The following CCDC178 variants were observed in gnomAD, a reference collection of about 807,000 sequenced individuals.
CCDC178 encodes the protein coiled-coil domain-containing protein 178.
CCDC178 carries 126 observed loss-of-function variants against 117.4 expected under a neutral mutation model. The ratio of observed to expected loss-of-function variants is 1.07; its 90% CI spans 0.93 to 1.24. CCDC178 has a LOEUF of 1.24. Among genes scored for constraint, CCDC178 ranks in the 50% most tolerant of loss-of-function variants. The probability of loss-of-function intolerance (pLI) is 0.00; values close to 1 mark genes in which losing one functional copy is unlikely to be tolerated. For synonymous variants in CCDC178, 283 were observed against 313.4 expected (o/e 0.90, Z 1.02); for missense variants, 1,030 against 986.9 (o/e 1.04, Z -0.59).
intron 20 of CCDC178, among the ~76,000 whole-genome samples, chr18:33,194,265 T>C (rs1008309715): frequency 6.6e-6 from 1 of 152,210 alleles, no homozygotes; most frequent in African/African-American, 2.4e-5. Flanking sequence ...TATAACTATA[T>C]GCTTGGTAGA....
intron 20 of CCDC178, among the ~76,000 whole-genome samples, chr18:33,176,781 A>AT (rs994113598): frequency 3.9e-5 from 6 of 152,050 alleles, no homozygotes; most frequent in Non-Finnish European, 7.4e-5. Flanking sequence ...CCAGCTCTGA[A>AT]TTTTTTTTAA....
chr18:33,392,969 A>G (rs2063582214), intron 4 of CCDC178, among the ~76,000 whole-genome samples: 1 of 152,230 alleles, frequency 6.6e-6, no homozygotes, highest in Non-Finnish European at 1.5e-5. Flanking sequence ...AAATTAATGC[A>G]TCAGTCACTT....
At position 33,339,733 on chromosome 18, in the gene CCDC178, G is replaced by T. The variant is rs939877480; in HGVS notation, c.659-6339C>A. Among the ~76,000 whole-genome samples the T allele has an allele frequency of 4.0e-5, 6 of 151,836 alleles. No individual in the cohort carries two copies. The East Asian group carries it at 1.2e-3, about 29-fold the overall frequency. On this transcript the variant is annotated intron_variant, in intron 9 of 22. Coordinates refer to ENST00000383096, the MANE Select transcript of CCDC178 (RefSeq NM_001105528.4). ...TGAATAAGTTTCATGAGATCTGATG[G>T]GTCTATCAGGGGTTTCTGTTATTGC...
At chr18:33,270,224 G>A (rs2059870691) in intron 12 of CCDC178, among the ~76,000 whole-genome samples, 1 of 151,284 alleles carries the variant, frequency 6.6e-6, no homozygotes, top group South Asian at 2.1e-4. Context: ...AATGAACAGA[G>A]ATTCATAGTT....
intron 21 of CCDC178, among the ~76,000 whole-genome samples, chr18:33,051,510 A>T (rs1439731238): frequency 3.9e-5 from 6 of 152,236 alleles, no homozygotes. Context: ...TCACCCTTCA[A>T]ATAAATGTTT....
At chr18:33,429,932 T>C (rs1240497604) in intron 2 of CCDC178, among the ~76,000 whole-genome samples, 1 of 152,180 alleles carries the variant, frequency 6.6e-6, no homozygotes, top group Non-Finnish European at 1.5e-5. Context: ...TCCTTTCGTG[T>C]GTAAAATTAT....
chr18:33,401,952 T>C (rs539665567), intron 3 of CCDC178, among the ~76,000 whole-genome samples: 44 of 152,282 alleles, frequency 2.9e-4, no homozygotes, highest in African/African-American at 8.2e-4. Flanking sequence ...GTGGTCATTT[T>C]CTATTTAATA....
intron 21 of CCDC178, among the ~76,000 whole-genome samples, chr18:33,058,194 A>G (rs1049860814): frequency 6.6e-6 from 1 of 152,220 alleles, no homozygotes; most frequent in Non-Finnish European, 1.5e-5. Flanking sequence ...CTACACAAAG[A>G]CATGAATGTT....
At chr18:33,045,925 A>G (rs1366082334) in intron 21 of CCDC178, among the ~76,000 whole-genome samples, 1 of 152,096 alleles carries the variant, frequency 6.6e-6, no homozygotes, top group Non-Finnish European at 1.5e-5. Context: ...AAAATTAGCC[A>G]GGTGTGGTGG....
At chr18:33,030,543 A>AGATG (rs1182879073) in intron 21 of CCDC178, among the ~76,000 whole-genome samples, 1 of 151,882 alleles carries the variant, frequency 6.6e-6, no homozygotes, top group East Asian at 1.9e-4. Context: ...ATAGATAGAT[A>AGATG]GATAGATAGA....
intron 15 of CCDC178, among the ~76,000 whole-genome samples, chr18:33,237,494 A>G (rs2059439375): frequency 6.6e-6 from 1 of 152,210 alleles, no homozygotes; most frequent in Non-Finnish European, 1.5e-5. Context: ...ACATGCTGCC[A>G]GGCCAGCTGA....
intron 15 of CCDC178, among the ~76,000 whole-genome samples, chr18:33,229,506 A>G (rs1317304946): frequency 6.6e-6 from 1 of 152,192 alleles, no homozygotes; most frequent in Non-Finnish European, 1.5e-5. Context: ...TCACAATGAA[A>G]TCTATAAAAT....
At chr18:33,279,394 A>T (rs1310757128) in intron 12 of CCDC178, among the ~76,000 whole-genome samples, 143 of 145,258 alleles carry the variant, frequency 9.8e-4, no homozygotes, top group South Asian at 1.3e-3. Flanking sequence ...AATCCAACTT[A>T]CAAGGGACGT....
chr18:33,058,483 A>G (rs1040740046), intron 21 of CCDC178, among the ~76,000 whole-genome samples: 3 of 152,222 alleles, frequency 2.0e-5, no homozygotes, highest in African/African-American at 7.2e-5. Context: ...GAAAGCTGAA[A>G]TGCTAGAGAC....
At chr18:33,170,257 A>G (rs1042483879) in intron 20 of CCDC178, among the ~76,000 whole-genome samples, 62 of 152,144 alleles carry the variant, frequency 4.1e-4, no homozygotes, top group African/African-American at 1.5e-3. Flanking sequence ...GTTCCTGTTT[A>G]TAAATTATTG....
intron 14 of CCDC178, among the ~76,000 whole-genome samples, chr18:33,258,160 G>C (rs774335041): frequency 6.6e-6 from 1 of 152,028 alleles, no homozygotes; most frequent in Non-Finnish European, 1.5e-5. Context: ...AGCAGCCCAA[G>C]TGATCTCTCT....
rs67627028 is a variant in CCDC178, at chr18:33,329,876, AGTGTGTGTGTGTGT to A, written c.879+3284_879+3297del. Among the ~76,000 whole-genome samples the A allele has an allele frequency of 1.1e-3, 142 of 131,442 alleles. 1 individual carries two copies. The highest frequency in any genetic ancestry group is 4.0e-3 in the African/African-American group (136 of 33,838). The allele number at this position is 131,442 out of a possible 152,430, so 86.2% of individuals were successfully genotyped here. ...AGTTTGAGAGTTGGAGAATTATTAG[AGTGTGTGTGTGTGT>A]GTGTGTGTGTGTGTGTGTGTGTGTG... On this transcript the variant is annotated intron_variant, in intron 10 of 22. Coordinates refer to ENST00000383096, the MANE Select transcript of CCDC178 (RefSeq NM_001105528.4).
intron 21 of CCDC178, among the ~76,000 whole-genome samples, chr18:33,011,793 A>T (rs1162386859): frequency 1.6e-4 from 20 of 121,344 alleles, no homozygotes; most frequent in African/African-American, 6.0e-4. Context: ...AAAAAAAAAA[A>T]AAAAAAAAAA....
intron 11 of CCDC178, among the ~76,000 whole-genome samples, chr18:33,294,369 T>C (rs191858447): frequency 1.3e-5 from 2 of 152,310 alleles, no homozygotes; most frequent in Non-Finnish European, 2.9e-5. Flanking sequence ...GGAGATTTAT[T>C]TGAAACCCAC....
Sources: allele counts gnomAD v4.1 joint callset (sites outside exome capture counted in the v4.1 genomes callset), GRCh38; gene constraint gnomAD v4.1.1; transcripts MANE v1.5; gene names NCBI Gene and HGNC (gene_info 2026-07-23, HGNC 2026-07-21).